IRAK3: variants seen among roughly 807,000 people sequenced by gnomAD.
IRAK3 encodes interleukin 1 receptor associated kinase 3, also known as interleukin-1 receptor-associated kinase 3.
A neutral mutation model predicts 56.6 loss-of-function variants in IRAK3; 57 were observed. The ratio of observed to expected loss-of-function variants is 1.01; its 90% CI spans 0.81 to 1.26. The LOEUF is 1.26. IRAK3 is among the 50% of genes most tolerant of loss of function. IRAK3 has a pLI of 0.00. For missense variants in IRAK3, 703 were observed against 719.0 expected (o/e 0.98, Z 0.25); for synonymous variants, 258 against 255.7 (o/e 1.01, Z -0.09).
chr12:66,223,197 A>G (rs1289608996), intron 6 of IRAK3, among the ~76,000 whole-genome samples: 1 of 152,190 alleles, frequency 6.6e-6, no homozygotes, highest in African/African-American at 2.4e-5. Context: ...CCATTTAAAT[A>G]TCACTTCTTT....
At chr12:66,204,180 A>C (rs1450962542) in intron 2 of IRAK3, among the ~76,000 whole-genome samples, 1 of 152,196 alleles carries the variant, frequency 6.6e-6, no homozygotes, top group Non-Finnish European at 1.5e-5. Flanking sequence ...CATTTTTAGC[A>C]GTTAATAGAA....
intron 1 of IRAK3, chr12:66,198,197 A>G (rs2052472937): frequency 1.3e-6 from 1 of 742,540 alleles, no homozygotes; most frequent in Non-Finnish European, 1.6e-6. Context: ...TTGCTTTCAG[A>G]ATGAAGTTAA....
intron 6 of IRAK3, 105 bp from the exon 7 acceptor site, chr12:66,226,618 T>G: frequency 2.7e-6 from 2 of 734,076 alleles, no homozygotes; most frequent in Non-Finnish European, 5.0e-6. Context: ...TATATTCCGC[T>G]TTAGGCCTAT....
At chr12:66,210,825 G>C (rs1420797649) in intron 4 of IRAK3, among the ~76,000 whole-genome samples, 1 of 152,158 alleles carries the variant, frequency 6.6e-6, no homozygotes, top group Non-Finnish European at 1.5e-5. Flanking sequence ...AGTGTCTTCA[G>C]AGAGGATTTT....
chr12:66,233,012 T>C (rs187909148), intron 8 of IRAK3, among the ~76,000 whole-genome samples: 1 of 151,308 alleles, frequency 6.6e-6, no homozygotes, highest in Admixed American at 6.6e-5. Context: ...ATTATTATTA[T>C]TATTTTTAAA....
chr12:66,194,688 G>A (rs2052433153), intron 1 of IRAK3, among the ~76,000 whole-genome samples: 2 of 152,012 alleles, frequency 1.3e-5, no homozygotes, highest in South Asian at 4.2e-4. Flanking sequence ...GATTAGCCGG[G>A]CGTGGTGGCA....
chr12:66,231,353 A>T (rs561272011), intron 8 of IRAK3, among the ~76,000 whole-genome samples: 8 of 147,082 alleles, frequency 5.4e-5, no homozygotes, highest in South Asian at 2.1e-4. Context: ...TCTCTACTTT[A>T]AAAAAAAAAA....
Position 66,244,484 on chromosome 12 carries a change from A to C in IRAK3, c.888-2A>C. ...CTTGTTTGTCCCTGATCACAATTTT[A>C]GTGCAAACATCCTTTTGGATGATCA... On this transcript the variant is annotated splice_acceptor_variant, in intron 8 of 11. Coordinates refer to ENST00000261233, the MANE Select transcript of IRAK3 (RefSeq NM_007199.3). LOFTEE classifies it high-confidence loss of function. 1 of 1,613,078 alleles carries C rather than the reference A, an allele frequency of 6.2e-7. No individual in the cohort carries two copies. Among genetic ancestry groups the C allele is most frequent in the Non-Finnish European group, 8.5e-7 (1 of 1,179,050 alleles).
At chr12:66,217,510 T>TTAG (rs1393186053) in intron 6 of IRAK3, among the ~76,000 whole-genome samples, 1 of 152,206 alleles carries the variant, frequency 6.6e-6, no homozygotes, top group East Asian at 1.9e-4. Flanking sequence ...ATAGTAATAC[T>TTAG]TAGAACATTA....
chr12:66,225,520 A>C (rs990024682), intron 6 of IRAK3, among the ~76,000 whole-genome samples: 2 of 152,142 alleles, frequency 1.3e-5, no homozygotes, highest in Admixed American at 1.3e-4. Flanking sequence ...GCAGAAATGA[A>C]TAATAGGTTT....
Position 66,252,202 on chromosome 12 carries a change from T to A in IRAK3, c.*4031T>A, listed in dbSNP as rs1051081557. ...CCCTGAAGGTGTGGATCCCATCTTATAATAAGGTGAGGACACTGAGTCAGG... is the reference window on the plus strand; with the variant it reads ...CCCTGAAGGTGTGGATCCCATCTTAAAATAAGGTGAGGACACTGAGTCAGG... On this transcript the variant is annotated 3_prime_UTR_variant, in exon 12 of 12. Coordinates refer to ENST00000261233, the MANE Select transcript of IRAK3 (RefSeq NM_007199.3). 2 of 151,966 alleles carry A rather than the reference T, an allele frequency of 1.3e-5. No individual in the cohort carries two copies. The highest frequency in any genetic ancestry group is 4.8e-5 in the African/African-American group (2 of 41,338). 9.4% of individuals were successfully genotyped at this position (151,966 alleles called of 1,614,324 possible). A position where few individuals can be genotyped will look rare whatever the true frequency, so the allele number is the denominator to read the frequency against.
intron 6 of IRAK3, among the ~76,000 whole-genome samples, chr12:66,219,425 C>T (rs1190855589): frequency 6.6e-6 from 1 of 152,214 alleles, no homozygotes; most frequent in Non-Finnish European, 1.5e-5. Flanking sequence ...CTTTTGTCTG[C>T]CGCCATGTGA....
chr12:66,215,051 G>T (rs1450937853), intron 5 of IRAK3, among the ~76,000 whole-genome samples: 1 of 152,100 alleles, frequency 6.6e-6, no homozygotes, highest in Admixed American at 6.5e-5. Flanking sequence ...CTACTTAATT[G>T]TACATAGAAA....
intron 5 of IRAK3, among the ~76,000 whole-genome samples, chr12:66,216,645 T>TTTAGAAGA (rs2052679911): frequency 2.0e-5 from 3 of 152,316 alleles, no homozygotes; most frequent in Non-Finnish European, 4.4e-5. Context: ...TATTCATGTG[T>TTTAGAAGA]CAGGCTCTGG....
At chr12:66,223,954 A>G (rs901130137) in intron 6 of IRAK3, among the ~76,000 whole-genome samples, 8 of 151,872 alleles carry the variant, frequency 5.3e-5, no homozygotes, top group Non-Finnish European at 1.0e-4. Context: ...TGATCCATTT[A>G]TTTGTCTGGT....
chr12:66,248,273 G>T lies in IRAK3; in HGVS notation c.*102G>T, dbSNP rs2053058230. The T allele has an allele frequency of 1.0e-5, 8 of 790,116 alleles. No individual in the cohort carries two copies. In the South Asian group the frequency reaches 1.2e-4, roughly 12 times the overall value. 48.9% of individuals were successfully genotyped at this position (790,116 alleles called of 1,614,324 possible). A position where few individuals can be genotyped will look rare whatever the true frequency, so the allele number is the denominator to read the frequency against. ...GCTCCATAAGCAATGCCAAGAGAAT[G>T]ATCAATAGTGAGTTTGGGTGATGCA... On this transcript the variant is annotated 3_prime_UTR_variant, in exon 12 of 12. Transcript: ENST00000261233.
intron 4 of IRAK3, among the ~76,000 whole-genome samples, chr12:66,210,657 A>G (rs1055097263): frequency 1.4e-4 from 22 of 152,192 alleles, no homozygotes; most frequent in African/African-American, 5.1e-4. Flanking sequence ...AGAATAATTT[A>G]GTTCCACCTG....
intron 8 of IRAK3, among the ~76,000 whole-genome samples, chr12:66,241,085 G>A (rs553964841): frequency 2.2e-4 from 33 of 152,090 alleles, no homozygotes; most frequent in East Asian, 1.7e-3. Flanking sequence ...AGGTCCCCCC[G>A]AAAATTGTCC....
chr12:66,235,238 C>G lies in IRAK3; in HGVS notation c.887+6868C>G, dbSNP rs924423661. On this transcript the variant is annotated intron_variant, in intron 8 of 11. Transcript: ENST00000261233. ...AGACTGCTGCTTGCGATAGGGCGTCCGGCAGTTGCTGCTGCCCCCGGGGTT... is the reference window on the plus strand; with the variant it reads ...AGACTGCTGCTTGCGATAGGGCGTCGGGCAGTTGCTGCTGCCCCCGGGGTT... The G allele has an allele frequency of 1.9e-6, 3 of 1,603,230 alleles. No individual in the cohort carries two copies. In the East Asian group the frequency reaches 6.7e-5, roughly 36 times the overall value.
Sources: gnomAD v4.1 joint callset for allele counts (sites outside exome capture counted in the v4.1 genomes callset) on GRCh38, gnomAD v4.1.1 for gene constraint, MANE v1.5 for transcripts, NCBI Gene and HGNC (gene_info 2026-07-23, HGNC 2026-07-21) for gene names.